AAK1: variants seen among roughly 807,000 people sequenced by gnomAD.
The protein encoded by AAK1 is AP2-associated protein kinase 1.
AAK1 carries 37 observed loss-of-function variants against 116.0 expected under a neutral mutation model. The observed-to-expected ratio is 0.32, with a 90% confidence interval of 0.25 to 0.42. AAK1 has a LOEUF of 0.42. Among genes scored for constraint, AAK1 ranks in the 10% least tolerant of loss-of-function variants. The pLI is 1.00. For missense variants in AAK1, 919 were observed against 1,170.6 expected, an observed-to-expected ratio of 0.79 and a Z score of 3.14; for synonymous variants, 458 against 439.9, an observed-to-expected ratio of 1.04 and a Z score of -0.51.
chr2:69,542,751 G>A, intron 4 of AAK1, 86 bp from the exon 5 acceptor site: 1 of 1,481,660 alleles, frequency 6.7e-7, no homozygotes, highest in Non-Finnish European at 9.2e-7. Flanking sequence ...CGTCCAAAGA[G>A]AAGCAGTCTG....
chr2:69,622,520 T>C (rs193221046), intron 2 of AAK1, among the ~76,000 whole-genome samples: 1 of 152,344 alleles, frequency 6.6e-6, no homozygotes, highest in African/African-American at 2.4e-5. Context: ...TAGTGGAGAC[T>C]TGGAGAACCT....
chr2:69,471,946 G>C lies in AAK1; in HGVS notation c.*3923C>G. ...CTTGAGAAAGTAGTTCGTTTCTTGG[G>C]TTTGTTTTTCCACAAGTATTAGCAA... On this transcript the variant is annotated 3_prime_UTR_variant, in exon 22 of 22. Coordinates refer to ENST00000409085, the MANE Select transcript of AAK1 (RefSeq NM_014911.5). 1.0e-6 allele frequency: 1 copy of C among 985,346 alleles called. No homozygotes were observed. The highest frequency in any genetic ancestry group is 1.2e-6 in the Non-Finnish European group (1 of 829,868). 61.0% of individuals were successfully genotyped at this position (985,346 alleles called of 1,614,324 possible).
intron 1 of AAK1, 146 bp from the exon 2 acceptor site, chr2:69,643,420 C>T (rs1675842294): frequency 3.4e-6 from 4 of 1,176,272 alleles, no homozygotes; most frequent in African/African-American, 1.6e-5. Context: ...GCTGAAAACG[C>T]GACCCCGGCC....
In AAK1 at chr2:69,530,136, A is replaced by C. The variant is rs1443601632; in HGVS notation, c.743T>G (p.Leu248Arg). The C allele has an allele frequency of 6.2e-7, 1 of 1,606,230 alleles. No individual in the cohort carries two copies. ...GCATAATTTATACAACAAACATCCA[A>C]GAGCCTAAAAAATAAAGATAGCAGA... is the stretch of plus-strand genomic sequence containing the variant. ...IITTKADIWA[L>R]GCLLYKLCYF... is the part of the protein sequence containing the mutation. The change falls in exon 8 of 22, where the codon CTT (leucine) becomes CGT (arginine). Residue 248 changes from leucine (L) to arginine (R), a missense_variant. This residue lies in a region of AAK1 where 317 missense variants were observed against 490.4 expected (regional missense o/e 0.65). Transcript: ENST00000409085.
chr2:69,557,011 T>A, intron 2 of AAK1, 33 bp from the exon 3 acceptor site: 1 of 1,542,040 alleles, frequency 6.5e-7, no homozygotes, highest in Non-Finnish European at 9.0e-7. Flanking sequence ...CTCTTTTGAG[T>A]CAATGTTCAA....
At chr2:69,480,224 T>C (rs563984696) in intron 19 of AAK1, among the ~76,000 whole-genome samples, 4 of 150,850 alleles carry the variant, frequency 2.7e-5, no homozygotes, top group East Asian at 3.9e-4. Context: ...CTATCCAAGT[T>C]TGAAAACCAG....
rs750345416 is a variant in AAK1, at chr2:69,519,136, G to GAGCCTGTGGCTGCTT, written c.1300_1314dup (p.Lys434_Ala438dup). ...GAAGGCGTCTGCTGTGGAGTGGGAG[G>GAGCCTGTGGCTGCTT]AGCCTGTGGCTGCTTGGCCTGAGTT... is the stretch of plus-strand genomic sequence containing the variant. On this transcript the variant is annotated inframe_insertion, in exon 12 of 22. Transcript: ENST00000409085. The GAGCCTGTGGCTGCTT allele has an allele frequency of 1.3e-6, 2 of 1,567,552 alleles. No homozygotes were observed. Among genetic ancestry groups the GAGCCTGTGGCTGCTT allele is most frequent in the South Asian group, 2.3e-5 (2 of 85,190 alleles).
At chr2:69,631,737 TG>T (rs112066314) in intron 2 of AAK1, among the ~76,000 whole-genome samples, 15 of 152,144 alleles carry the variant, frequency 9.9e-5, no homozygotes, top group African/African-American at 3.6e-4. Flanking sequence ...TCCAGCACTT[TG>T]GGAGGCTGAG....
intron 2 of AAK1, among the ~76,000 whole-genome samples, chr2:69,606,271 T>C (rs974917124): frequency 6.6e-6 from 1 of 152,216 alleles, no homozygotes; most frequent in African/African-American, 2.4e-5. Flanking sequence ...CTTCCCCACT[T>C]GACCACGATC....
chr2:69,569,793 G>A (rs547639052), intron 2 of AAK1, among the ~76,000 whole-genome samples: 2 of 152,230 alleles, frequency 1.3e-5, no homozygotes, highest in South Asian at 4.2e-4. Context: ...TGTTTATGTT[G>A]TTGAATGTAT....
At chr2:69,541,564 A>C (rs1009161142) in intron 5 of AAK1, among the ~76,000 whole-genome samples, 1 of 152,204 alleles carries the variant, frequency 6.6e-6, no homozygotes, top group Non-Finnish European at 1.5e-5. Flanking sequence ...TAAATTTTAT[A>C]GTATGTGAAT....
At chr2:69,553,434 G>GTTTTT (rs1671258097) in intron 3 of AAK1, among the ~76,000 whole-genome samples, 1 of 117,870 alleles carries the variant, frequency 8.5e-6, no homozygotes, top group African/African-American at 4.0e-5. Flanking sequence ...AGAATTGAAA[G>GTTTTT]TTGTTTTTTT....
intron 2 of AAK1, among the ~76,000 whole-genome samples, chr2:69,582,366 C>CGTGTGTGCGTGTGTGTGCACGTGT (rs1359896285): frequency 1.3e-5 from 2 of 151,828 alleles, no homozygotes; most frequent in Admixed American, 1.3e-4. Flanking sequence ...GAAAAACCTC[C>CGTGTGTGCGTGTGTGTGCACGTGT]GTGTGTGCGT....
chr2:69,521,708 A>C (rs1669788226), intron 10 of AAK1, among the ~76,000 whole-genome samples: 1 of 152,212 alleles, frequency 6.6e-6, no homozygotes, highest in Non-Finnish European at 1.5e-5. Flanking sequence ...GCATTACATG[A>C]GATGTAAGAA....
At chr2:69,508,830 C>A (rs1676285240) in intron 14 of AAK1, among the ~76,000 whole-genome samples, 1 of 152,182 alleles carries the variant, frequency 6.6e-6, no homozygotes, top group African/African-American at 2.4e-5. Context: ...TGAAACACAA[C>A]AGGCCCTGCT....
chr2:69,616,546 G>A (rs560366263), intron 2 of AAK1, among the ~76,000 whole-genome samples: 14 of 152,220 alleles, frequency 9.2e-5, no homozygotes, highest in African/African-American at 2.9e-4. Context: ...CAACCTGGAC[G>A]CTCATGACTT....
chr2:69,582,297 A>T (rs1672578617), intron 2 of AAK1, among the ~76,000 whole-genome samples: 1 of 152,200 alleles, frequency 6.6e-6, no homozygotes, highest in East Asian at 1.9e-4. Flanking sequence ...TTGAAATAAG[A>T]AGTAGAAACT....
chr2:69,600,895 C>G (rs1558993512), intron 2 of AAK1, among the ~76,000 whole-genome samples: 1 of 152,150 alleles, frequency 6.6e-6, no homozygotes, highest in Non-Finnish European at 1.5e-5. Flanking sequence ...TTTCAGCAAC[C>G]ACCCCCCTGG....
rs1674602811 is a variant in AAK1, at chr2:69,469,456, T to C, written c.*6413A>G. 8.1e-6 allele frequency: 8 copies of C among 985,360 alleles called. No individual in the cohort carries two copies. The highest frequency in any genetic ancestry group is 9.6e-6 in the Non-Finnish European group (8 of 829,938). 61.0% of individuals were successfully genotyped at this position (985,360 alleles called of 1,614,324 possible). On this transcript the variant is annotated 3_prime_UTR_variant, in exon 22 of 22. Transcript: ENST00000409085. ...GTGTTTTCAGGGTGAACAGTTCCTT[T>C]ATATGAAGGTAGCATTGTGTCAACA...
Sources: gnomAD v4.1 joint callset for allele counts (sites outside exome capture counted in the v4.1 genomes callset) on GRCh38, gnomAD v4.1.1 for gene constraint, gnomAD v4.1.1 regional missense constraint, MANE v1.5 for transcripts, NCBI Gene and HGNC (gene_info 2026-07-23, HGNC 2026-07-21) for gene names.